Variants in SHPK observed in about 807,000 individuals in gnomAD.
The protein encoded by SHPK is sedoheptulokinase.
In SHPK, 51 loss-of-function variants were observed where a neutral mutation model predicts 46.3. That is an observed-to-expected ratio of 1.10 (90% CI 0.88 to 1.39). The LOEUF is 1.39. SHPK is among the 40% of genes most tolerant of loss of function. SHPK has a pLI of 0.00. For missense variants in SHPK, 668 were observed against 641.3 expected, an observed-to-expected ratio of 1.04 and a Z score of -0.45; for synonymous variants, 290 against 273.9, an observed-to-expected ratio of 1.06 and a Z score of -0.58.
rs376253869 is a variant in SHPK at position 3,629,619 on chromosome 17, T to C, written c.310+586A>G. On this transcript the variant is annotated intron_variant, in intron 2 of 6. Transcript: ENST00000225519. ...GGCAGGCACCTGTAGTCCCAGCTAC[T>C]CTGGAGGCTGAGGCAGGAAGACCAC... Among the ~76,000 whole-genome samples, 122 of 151,516 alleles carry C rather than the reference T, an allele frequency of 8.1e-4. 4 individuals are homozygous for C. In the South Asian group the frequency reaches 0.023, roughly 29 times the overall value.
Position 3,615,558 on chromosome 17 carries a change from A to C in SHPK, c.824-21T>G, listed in dbSNP as rs993998308. ...GAGAACTGGGGTCCGAAGAGAGCAG[A>C]GCTTAGGCCTGTCGGGCTAACTCAG... On this transcript the variant is annotated intron_variant, in intron 5 of 6. Transcript: ENST00000225519. The C allele has an allele frequency of 1.8e-5, 29 of 1,608,816 alleles. 1 individual carries two copies. Among genetic ancestry groups the C allele is most frequent in the Non-Finnish European group, 2.4e-5 (28 of 1,175,858 alleles).
rs2075365418 is a variant in SHPK at position 3,615,277 on chromosome 17, A to C, written c.1024+60T>G. 3 of 1,542,158 alleles carry C rather than the reference A, an allele frequency of 1.9e-6. No individual in the cohort carries two copies. The South Asian group carries it at 3.4e-5, about 17-fold the overall frequency. On this transcript the variant is annotated intron_variant, in intron 6 of 6. Transcript: ENST00000225519. ...GCACATGAAGCTCCGTGAAGCTCCG[A>C]GACCCTGCCGGGTAGAAAGGACAGG...
At chr17:3,635,054 C>A (rs1216203629) in intron 1 of SHPK, among the ~76,000 whole-genome samples, 1 of 151,552 alleles carries the variant, frequency 6.6e-6, no homozygotes. Context: ...CACCTGTAGT[C>A]CCAGCTACTC....
rs1159860746 is a variant in SHPK at position 3,608,280 on chromosome 17, G to C, written c.*2280C>G. ...TTTCTTTAGAATTTCACAGATAGAAGATTCAGCATATGACTGTTTTCTTCC... is the reference window on the plus strand; with the variant it reads ...TTTCTTTAGAATTTCACAGATAGAACATTCAGCATATGACTGTTTTCTTCC... On this transcript the variant is annotated 3_prime_UTR_variant, in exon 7 of 7. Transcript: ENST00000225519. The C allele has an allele frequency of 6.7e-6, 1 of 150,172 alleles. No homozygotes were observed. The highest frequency in any genetic ancestry group is 1.5e-5 in the Non-Finnish European group (1 of 67,760). 9.3% of individuals were successfully genotyped at this position (150,172 alleles called of 1,614,324 possible).
Position 3,630,304 on chromosome 17 carries a change from C to G in SHPK, c.211G>C (p.Glu71Gln), listed in dbSNP as rs748544120. The change falls in exon 2 of 7, where the codon GAG (glutamate) becomes CAG (glutamine). Residue 71 changes from glutamate (E) to glutamine (Q), a missense_variant. By Grantham distance (29) the Glu-to-Gln change is conservative. Coordinates refer to ENST00000225519, the MANE Select transcript of SHPK (RefSeq NM_013276.4). ...DVSRILQALH[E>Q]CLAALPRPQL... ...GGTCGGGGAAGGGCAGCAAGGCACT[C>G]GTGTAGGGCTTGGAGGATTCTACTC... 1.2e-6 allele frequency: 2 copies of G among 1,613,530 alleles called. No individual in the cohort carries two copies. Among genetic ancestry groups the G allele is most frequent in the Non-Finnish European group, 1.7e-6 (2 of 1,179,988 alleles).
At chr17:3,624,555 C>T (rs554814524) in intron 2 of SHPK, among the ~76,000 whole-genome samples, 2 of 152,284 alleles carry the variant, frequency 1.3e-5, no homozygotes, top group African/African-American at 4.8e-5. Context: ...TCTGTCCCTC[C>T]AACCCTCATC....
chr17:3,636,050 A>C lies in SHPK; in HGVS notation c.168+2T>G. 6.4e-7 allele frequency: 1 copy of C among 1,552,682 alleles called. No homozygotes were observed. Among genetic ancestry groups the C allele is most frequent in the Non-Finnish European group, 8.7e-7 (1 of 1,151,762 alleles). The stretch of plus-strand genomic sequence containing the variant: ...CGGCGCGGCCCCGGGGGTCCAACTC[A>C]CCTGGGGCCCGGCCACCGCGCTCTC... On this transcript the variant is annotated splice_donor_variant, in intron 1 of 6. Transcript: ENST00000225519. LOFTEE classifies it high-confidence loss of function.
In SHPK at chr17:3,609,292, G is replaced by T. The variant is rs1342640736; in HGVS notation, c.*1268C>A. ...ATTTGTAAAATGACATTTATAAAGA[G>T]ACAATATGTTTCATACCTGTCATGG... On this transcript the variant is annotated 3_prime_UTR_variant, in exon 7 of 7. Transcript: ENST00000225519. 6.6e-6 allele frequency: 1 copy of T among 150,980 alleles called. No individual in the cohort carries two copies. Among genetic ancestry groups the T allele is most frequent in the African/African-American group, 2.4e-5 (1 of 40,972 alleles). 9.4% of individuals were successfully genotyped at this position (150,980 alleles called of 1,614,324 possible). A position where few individuals can be genotyped will look rare whatever the true frequency, so the allele number is the denominator to read the frequency against.
In SHPK at chr17:3,610,620, A is replaced by G. The variant is rs2075331667; in HGVS notation, c.1377T>C (p.Asp459=). 1 of 1,613,764 alleles carries G rather than the reference A, an allele frequency of 6.2e-7. No homozygotes were observed. The highest frequency in any genetic ancestry group is 8.5e-7 in the Non-Finnish European group (1 of 1,179,940). The change falls in exon 7 of 7, where the codon GAT becomes GAC. Residue 459 remains aspartate (D), a synonymous_variant. Transcript: ENST00000225519. The stretch of plus-strand genomic sequence containing the variant: ...TGACCAGAGCTGCCCCGACAGCTGC[A>G]TCCACATCCTGCCCAAAGGACATGG... The part of the protein sequence containing the change: ...PLPMSFGQDV[D]AAVGAALVML...
At chr17:3,621,620 C>T (rs532076138) in intron 4 of SHPK, among the ~76,000 whole-genome samples, 6 of 28,996 alleles carry the variant, frequency 2.1e-4, no homozygotes, top group Non-Finnish European at 3.4e-4. Flanking sequence ...TCCCTCCCTC[C>T]CTTCCTTCCT....
rs2075418403 is a variant in SHPK, at chr17:3,624,070, T to C, written c.472A>G (p.Ile158Val). Residue 158 changes from isoleucine to valine, a missense_variant, in exon 3 of 7, where the codon ATC (isoleucine) becomes GTC (valine). Coordinates refer to ENST00000225519, the MANE Select transcript of SHPK (RefSeq NM_013276.4). ...SVATGFGCAT[I>V]FWLLKYRPEF... ...TACCGATATTTCAAAAGCCAGAAGA[T>C]GGTTGCACAGCCGAAGCCCGTGGCC... 3 of 1,608,696 alleles carry C rather than the reference T, an allele frequency of 1.9e-6. No homozygotes were observed. In the South Asian group the frequency reaches 3.3e-5, roughly 18 times the overall value.
rs779747064 is a variant in SHPK, at chr17:3,615,530, G to A, written c.831C>T (p.Asn277=). ...CTGCCAGCTGAACCGAGGTGCTGAT[G>A]TTGAGAACTGGGGTCCGAAGAGAGC... The part of the protein sequence containing the change: ...CMAQRTDAVL[N]ISTSVQLAAS... The change falls in exon 6 of 7, where the codon AAC becomes AAT. Residue 277 remains asparagine, a synonymous_variant. Coordinates refer to ENST00000225519, the MANE Select transcript of SHPK (RefSeq NM_013276.4). 4.5e-5 allele frequency: 72 copies of A among 1,614,028 alleles called. No individual in the cohort carries two copies. In the Admixed American group the frequency reaches 1.2e-3, roughly 27 times the overall value.
chr17:3,636,186 G>A lies in SHPK; in HGVS notation c.34C>T (p.Leu12=). ...GCTGCCTTCACAGATGTGGTGCCCA[G>A]GTCAATGCCGAGGGTGATCGGCCGC... ...AARPITLGID[L]GTTSVKAALL... is the part of the protein sequence containing the mutation. Residue 12 remains leucine, a synonymous_variant, in exon 1 of 7, where the codon CTG becomes TTG. Coordinates refer to ENST00000225519, the MANE Select transcript of SHPK (RefSeq NM_013276.4). 1 of 1,610,132 alleles carries A rather than the reference G, an allele frequency of 6.2e-7. No homozygotes were observed. The highest frequency in any genetic ancestry group is 1.7e-5 in the Admixed American group (1 of 59,792).
intron 4 of SHPK, among the ~76,000 whole-genome samples, chr17:3,622,790 C>T (rs532288139): frequency 2.6e-5 from 4 of 151,298 alleles, no homozygotes; most frequent in South Asian, 2.1e-4. Flanking sequence ...CCGCAACCTC[C>T]GCCTCCCAGG....
intron 2 of SHPK, among the ~76,000 whole-genome samples, chr17:3,624,862 CCAGGCTGGTCTCGAACTCCTGAGCT>C (rs1429325877): frequency 1.3e-5 from 2 of 152,218 alleles, no homozygotes; most frequent in Admixed American, 6.5e-5. Flanking sequence ...ATCATGCTGC[CCAGGCTGGTCTCGAACTCCTGAGCT>C]CAGGCAATCC....
chr17:3,611,808 T>TG (rs1427139384), intron 6 of SHPK, among the ~76,000 whole-genome samples: 1 of 147,470 alleles, frequency 6.8e-6, no homozygotes, highest in African/African-American at 2.5e-5. Context: ...GTTTTTTTTT[T>TG]TTTTTTTTTT....
chr17:3,611,084 C>G, intron 6 of SHPK, 112 bp from the exon 7 acceptor site: 2 of 1,013,346 alleles, frequency 2.0e-6, no homozygotes, highest in African/African-American at 1.6e-5. Context: ...CTTCTCCTCC[C>G]GCTGCAGCTG....
At chr17:3,619,773 T>C (rs2075389314) in intron 5 of SHPK, 1 of 429,030 alleles carries the variant, frequency 2.3e-6, no homozygotes, top group Non-Finnish European at 4.5e-6. Context: ...GATTTGTAGA[T>C]GGCATCTCTC....
chr17:3,611,962 C>T (rs1327974844), intron 6 of SHPK, among the ~76,000 whole-genome samples: 1 of 151,848 alleles, frequency 6.6e-6, no homozygotes, highest in East Asian at 2.0e-4. Context: ...CACCACCACA[C>T]CTGGCTAATT....
Sources: allele counts gnomAD v4.1 joint callset (sites outside exome capture counted in the v4.1 genomes callset), GRCh38; gene constraint gnomAD v4.1.1; transcripts MANE v1.5; gene names NCBI Gene and HGNC (gene_info 2026-07-23, HGNC 2026-07-21).